Variants in SCO2 observed in about 807,000 individuals in gnomAD.
The protein encoded by SCO2 is synthesis of cytochrome C oxidase 2, also known as cytochrome c oxidase assembly factor SCO2.
For missense variants in SCO2, 429 were observed against 348.7 expected, an observed-to-expected ratio of 1.23 and a Z score of -1.83; for synonymous variants, 195 against 148.6, an observed-to-expected ratio of 1.31 and a Z score of -2.27.
upstream of SCO2, chr22:50,526,124 G>T: frequency 6.7e-7 from 1 of 1,487,702 alleles, no homozygotes; most frequent in Non-Finnish European, 8.9e-7. Context: ...GGCAGCGCCC[G>T]GACCAGCTCC....
chr22:50,524,806 C>A, intron 1 of SCO2: 1 of 386,784 alleles, frequency 2.6e-6, no homozygotes, highest in South Asian at 1.9e-5. Context: ...GGCTTGCAAT[C>A]CCCGAGAGCA....
At chr22:50,526,173 C>G (rs761234600), upstream of SCO2, 26 of 1,466,716 alleles carry the variant, frequency 1.8e-5, no homozygotes, top group East Asian at 6.8e-4. Flanking sequence ...GGCGCGGGCT[C>G]GGGAAGGGGC....
Position 50,523,603 on chromosome 22 carries a change from G to T in SCO2, c.*8C>A. On this transcript the variant is annotated 3_prime_UTR_variant, in exon 2 of 2. Coordinates refer to ENST00000395693, the MANE Select transcript of SCO2 (RefSeq NM_005138.3). ...CCCGTTTAATGATGGGGCCCAGACT[G>T]CAGTGGCTCAAGACAGGACACTGCG... is the stretch of plus-strand genomic sequence containing the variant. The T allele has an allele frequency of 6.2e-7, 1 of 1,612,858 alleles. No homozygotes were observed. Among genetic ancestry groups the T allele is most frequent in the Non-Finnish European group, 8.5e-7 (1 of 1,179,860 alleles).
At chr22:50,524,965 C>T (rs1247477371) in intron 1 of SCO2, among the ~76,000 whole-genome samples, 1 of 152,048 alleles carries the variant, frequency 6.6e-6, no homozygotes, top group Non-Finnish European at 1.5e-5. Flanking sequence ...GGCAGAGACG[C>T]ACGACACTTC....
At chr22:50,526,337 C>G (rs1476152522), upstream of SCO2, 4 of 1,561,278 alleles carry the variant, frequency 2.6e-6, no homozygotes, top group Non-Finnish European at 3.4e-6. Context: ...GGGCTCGGGC[C>G]AGACCGGGAT....
At chr22:50,526,430 C>A (rs771169470), upstream of SCO2, 1 of 1,508,950 alleles carries the variant, frequency 6.6e-7, no homozygotes, top group East Asian at 2.6e-5. Flanking sequence ...GGGCAGCGCC[C>A]TGGGCCTGAG....
rs766567956 is a variant in SCO2, at chr22:50,524,228, G to A, written c.184C>T (p.Leu62=). ...CCAGCCCCGAACAGGCCTGTGATCA[G>A]CAGCCGGGTTCGAAGCCCAGGGCCC... The part of the protein sequence containing the change: ...PQGPGLRTRL[L]ITGLFGAGLG... The change falls in exon 2 of 2, where the codon CTG becomes TTG. Residue 62 remains leucine (L), a synonymous_variant. Coordinates refer to ENST00000395693, the MANE Select transcript of SCO2 (RefSeq NM_005138.3). The A allele has an allele frequency of 6.2e-7, 1 of 1,607,668 alleles. No homozygotes were observed. Among genetic ancestry groups the A allele is most frequent in the Non-Finnish European group, 8.5e-7 (1 of 1,179,892 alleles).
rs1161479586 is a variant in SCO2, at chr22:50,524,290, T to G, written c.122A>C (p.Gln41Pro). Residue 41 changes from glutamine to proline, a missense_variant, in exon 2 of 2, where the codon CAG (glutamine) becomes CCG (proline). Physicochemically the swap from Gln to Pro is moderately conservative, Grantham distance 76. Transcript: ENST00000395693. ...CTGCCCACCTGTCTCTGCAGGGCCC[T>G]GCCTTGACAAAAGCCAGGACCTCAG... ...LHLRSWLLSR[Q>P]GPAETGGQGQ... The G allele has an allele frequency of 6.2e-7, 1 of 1,603,138 alleles. No homozygotes were observed. Among genetic ancestry groups the G allele is most frequent in the Non-Finnish European group, 8.5e-7 (1 of 1,179,836 alleles).
chr22:50,526,228 G>A, upstream of SCO2: 1 of 1,521,066 alleles, frequency 6.6e-7, no homozygotes, highest in Non-Finnish European at 8.8e-7. Flanking sequence ...GAAGGACGGG[G>A]ACTCCCCCGA....
upstream of SCO2, chr22:50,525,723 CTT>C: frequency 6.3e-7 from 1 of 1,590,808 alleles, no homozygotes; most frequent in South Asian, 1.1e-5. Context: ...GCCCTGGATC[CTT>C]CCGCTCCCGC....
intron 1 of SCO2, 37 bp downstream of exon 1, chr22:50,525,435 G>A (rs955979735): frequency 3.2e-5 from 13 of 401,414 alleles, no homozygotes; most frequent in Non-Finnish European, 5.9e-5. Flanking sequence ...CGAGTCCTCA[G>A]GGCTACCTCC....
At chr22:50,524,886 C>G (rs1196004573) in intron 1 of SCO2, 3 of 341,400 alleles carry the variant, frequency 8.8e-6, no homozygotes, top group South Asian at 6.4e-5. Flanking sequence ...TCCACACTCC[C>G]AGCAGAAAAC....
In SCO2 at chr22:50,524,353, C is replaced by T. The variant is rs140523; in HGVS notation, c.59G>A (p.Arg20Gln). 38 of 1,601,588 alleles carry T rather than the reference C, an allele frequency of 2.4e-5. No individual in the cohort carries two copies. Among genetic ancestry groups the T allele is most frequent in the African/African-American group, 1.5e-4 (11 of 74,950 alleles). The stretch of plus-strand genomic sequence containing the variant: ...GCCTCCCAGGGTCCCAGGGAGGACC[C>T]GAGGCTTGAGCTGAGAGAGCCTGTG... ...AWHRLSQLKP[R>Q]VLPGTLGGQA... Residue 20 changes from arginine (R) to glutamine (Q), a missense_variant, in exon 2 of 2, where the codon CGG (arginine) becomes CAG (glutamine). Transcript: ENST00000395693.
In SCO2 at chr22:50,525,528, G is replaced by C. The variant is rs986526651; in HGVS notation, c.-70C>G. On this transcript the variant is annotated 5_prime_UTR_variant, in exon 1 of 2. Transcript: ENST00000395693. Reference sequence around the variant, plus strand: ...GCACGAGAGGAAGCGCCGACCTCCAGCTCCCTGCGCTCTGCCCCGCCGGCT... The same window carrying C: ...GCACGAGAGGAAGCGCCGACCTCCACCTCCCTGCGCTCTGCCCCGCCGGCT... 1 of 594,262 alleles carries C rather than the reference G, an allele frequency of 1.7e-6. No homozygotes were observed. Among genetic ancestry groups the C allele is most frequent in the Non-Finnish European group, 2.9e-6 (1 of 346,468 alleles). 36.8% of individuals were successfully genotyped at this position (594,262 alleles called of 1,614,324 possible). A position where few individuals can be genotyped will look rare whatever the true frequency, so the allele number is the denominator to read the frequency against.
At chr22:50,524,926 C>T (rs999736749) in intron 1 of SCO2, 17 of 342,264 alleles carry the variant, frequency 5.0e-5, no homozygotes, top group African/African-American at 3.4e-4. Flanking sequence ...AGCTCAGACT[C>T]TGCCCGCCGG....
At chr22:50,526,262 C>T, upstream of SCO2, 1 of 1,537,420 alleles carries the variant, frequency 6.5e-7, no homozygotes, top group Admixed American at 1.9e-5. Flanking sequence ...CGGGCGCCAG[C>T]AGCTCCTCCT....
upstream of SCO2, chr22:50,526,271 C>T: frequency 2.6e-6 from 4 of 1,542,428 alleles, no homozygotes; most frequent in Non-Finnish European, 3.5e-6. Context: ...GCAGCTCCTC[C>T]TGCTCCCGGG....
In SCO2 at chr22:50,523,779, T is replaced by G. The variant is rs12148; in HGVS notation, c.633A>C (p.Ala211=). ...ASHSYRVYYN[A]GPKDEDQDYI... is the part of the protein sequence containing the mutation. ...AGTCCTGGTCCTCATCCTTGGGGCC[T>G]GCATTGTAGTACACGCGGTAACTGT... The change falls in exon 2 of 2, where the codon GCA becomes GCC. Residue 211 remains alanine (A), a synonymous_variant. Transcript: ENST00000395693. 0.62 allele frequency: 1,007,605 copies of G among 1,613,942 alleles called. 315,695 individuals carry two copies. The highest frequency in any genetic ancestry group is 0.72 in the East Asian group (32,198 of 44,876).
chr22:50,524,818 C>T, intron 1 of SCO2: 1 of 381,796 alleles, frequency 2.6e-6, no homozygotes, highest in Non-Finnish European at 5.2e-6. Context: ...CCGAGAGCAA[C>T]CGATTCCTCC....
Sources: gnomAD v4.1 joint callset for allele counts (sites outside exome capture counted in the v4.1 genomes callset) on GRCh38, gnomAD v4.1.1 for gene constraint, MANE v1.5 for transcripts, NCBI Gene and HGNC (gene_info 2026-07-23, HGNC 2026-07-21) for gene names.